Variants in NELL1 observed in about 807,000 individuals in gnomAD.
NELL1 encodes protein kinase C-binding protein NELL1.
In NELL1, 76 loss-of-function variants were observed where a neutral mutation model predicts 107.4. The ratio of observed to expected loss-of-function variants is 0.71; its 90% CI spans 0.59 to 0.86. The LOEUF (loss-of-function observed/expected upper bound fraction) is 0.86, where lower values mean the gene tolerates loss of function less well. Among genes scored for constraint, NELL1 ranks in the 40% least tolerant of loss-of-function variants. The pLI is 0.00. For missense variants in NELL1, 1,024 were observed against 1,005.5 expected, an observed-to-expected ratio of 1.02 and a Z score of -0.25; for synonymous variants, 353 against 341.2, an observed-to-expected ratio of 1.03 and a Z score of -0.38.
intron 3 of NELL1, among the ~76,000 whole-genome samples, chr11:20,795,766 C>T (rs114568370): frequency 0.014 from 2,132 of 152,014 alleles, 61 homozygotes; most frequent in African/African-American, 0.048. Context: ...TTTTGGCTTC[C>T]TAAGAAGGCA....
chr11:20,741,572 G>A (rs930284284), intron 2 of NELL1, among the ~76,000 whole-genome samples: 6 of 152,056 alleles, frequency 3.9e-5, no homozygotes, highest in African/African-American at 1.4e-4. Context: ...AGAACATCAT[G>A]GTGTTTCTTT....
chr11:20,708,573 T>G (rs1855034378), intron 2 of NELL1, among the ~76,000 whole-genome samples: 1 of 152,192 alleles, frequency 6.6e-6, no homozygotes, highest in Non-Finnish European at 1.5e-5. Context: ...TGGTATTATT[T>G]GCTTTTTTTC....
chr11:21,498,295 C>A (rs1237421970), intron 15 of NELL1, among the ~76,000 whole-genome samples: 2 of 147,842 alleles, frequency 1.4e-5, no homozygotes, highest in African/African-American at 4.9e-5. Context: ...TCCATTTCAC[C>A]CATGTTTTAA....
At chr11:21,565,690 T>C (rs10833571) in intron 17 of NELL1, among the ~76,000 whole-genome samples, 64,588 of 151,790 alleles carry the variant, frequency 0.43, 14,670 homozygotes, top group Non-Finnish European at 0.51. Flanking sequence ...TGGAAAATCA[T>C]TGTTATGAAA....
chr11:20,745,868 T>C (rs1265887245), intron 2 of NELL1, among the ~76,000 whole-genome samples: 2 of 152,180 alleles, frequency 1.3e-5, no homozygotes, highest in Non-Finnish European at 2.9e-5. Flanking sequence ...GGCTGAACTA[T>C]GAAATATTTT....
chr11:20,957,611 T>C (rs1260273836), intron 11 of NELL1, among the ~76,000 whole-genome samples: 2 of 152,152 alleles, frequency 1.3e-5, no homozygotes, highest in East Asian at 1.9e-4. Flanking sequence ...GAATTATCAA[T>C]ATAAAATATT....
At chr11:20,899,264 C>CA (rs1201383441) in intron 5 of NELL1, among the ~76,000 whole-genome samples, 2 of 152,016 alleles carry the variant, frequency 1.3e-5, no homozygotes, top group South Asian at 2.1e-4. Flanking sequence ...CCACAAATTA[C>CA]AAAAAATGAT....
At chr11:21,329,665 A>T (rs571130116) in intron 14 of NELL1, among the ~76,000 whole-genome samples, 1 of 152,272 alleles carries the variant, frequency 6.6e-6, no homozygotes, top group African/African-American at 2.4e-5. Context: ...AGTACACTGT[A>T]TACTTTGGCA....
chr11:21,539,733 G>C (rs570775655), intron 16 of NELL1, among the ~76,000 whole-genome samples: 1 of 151,500 alleles, frequency 6.6e-6, no homozygotes, highest in South Asian at 2.1e-4. Context: ...GATACCCATA[G>C]ATAGCCCATA....
intron 14 of NELL1, among the ~76,000 whole-genome samples, chr11:21,337,151 A>G (rs1850421008): frequency 6.6e-6 from 1 of 152,102 alleles, no homozygotes; most frequent in Middle Eastern, 3.2e-3. Context: ...TACAGAGTGC[A>G]GTATTTCCTG....
At chr11:20,708,014 G>T (rs1196714849) in intron 2 of NELL1, among the ~76,000 whole-genome samples, 1 of 152,222 alleles carries the variant, frequency 6.6e-6, no homozygotes, top group African/African-American at 2.4e-5. Context: ...CTTCCCGGCT[G>T]CTTTGTTTAC....
intron 2 of NELL1, among the ~76,000 whole-genome samples, chr11:20,771,250 A>ATGCTGCC (rs1856634082): frequency 6.6e-6 from 1 of 152,052 alleles, no homozygotes; most frequent in Non-Finnish European, 1.5e-5. Flanking sequence ...ATCTGAGGTA[A>ATGCTGCC]TGCTGCCCTG....
At chr11:21,171,697 C>G (rs537174820) in intron 13 of NELL1, among the ~76,000 whole-genome samples, 3 of 151,814 alleles carry the variant, frequency 2.0e-5, no homozygotes, top group South Asian at 2.1e-4. Flanking sequence ...CTCAAGAAAC[C>G]TACTTTATTA....
At chr11:20,831,731 A>G (rs1274572969) in intron 3 of NELL1, among the ~76,000 whole-genome samples, 3 of 152,166 alleles carry the variant, frequency 2.0e-5, no homozygotes, top group Non-Finnish European at 4.4e-5. Flanking sequence ...ATGATTCTAA[A>G]ATCAATTTAC....
rs529647098 is a variant in NELL1, at chr11:21,134,833, C to T, written c.1426+21119C>T. ...TTGGAGGTATGACTGAATAGCATTT[C>T]GGAGCCAGCAGAACCATGTTTACTA... On this transcript the variant is annotated intron_variant, in intron 13 of 19. Transcript: ENST00000357134. 5.3e-5 allele frequency among the ~76,000 whole-genome samples: 8 copies of T among 152,246 alleles called. No individual in the cohort carries two copies. In the East Asian group the frequency reaches 1.2e-3, roughly 22 times the overall value.
intron 9 of NELL1, among the ~76,000 whole-genome samples, chr11:20,932,138 C>G (rs1358276048): frequency 6.6e-6 from 1 of 152,050 alleles, no homozygotes; most frequent in Non-Finnish European, 1.5e-5. Flanking sequence ...CTATTCAAGG[C>G]ATATTTAATA....
At chr11:21,485,575 C>G (rs553042254) in intron 15 of NELL1, among the ~76,000 whole-genome samples, 2 of 151,230 alleles carry the variant, frequency 1.3e-5, no homozygotes, top group South Asian at 2.1e-4. Flanking sequence ...CCTCTGCTTG[C>G]GAGCTGCTGT....
At chr11:21,153,637 CTTTA>C (rs909131975) in intron 13 of NELL1, among the ~76,000 whole-genome samples, 2 of 152,114 alleles carry the variant, frequency 1.3e-5, no homozygotes, top group Non-Finnish European at 2.9e-5. Flanking sequence ...CATTATATCT[CTTTA>C]TTTATCACAC....
chr11:21,276,519 A>C (rs921906301), intron 14 of NELL1, among the ~76,000 whole-genome samples: 22 of 152,274 alleles, frequency 1.4e-4, no homozygotes, highest in Non-Finnish European at 2.4e-4. Flanking sequence ...GCTACCAATG[A>C]CTTTCTTCAC....
Sources: gnomAD v4.1 joint callset for allele counts (sites outside exome capture counted in the v4.1 genomes callset) on GRCh38, gnomAD v4.1.1 for gene constraint, MANE v1.5 for transcripts, NCBI Gene and HGNC (gene_info 2026-07-23, HGNC 2026-07-21) for gene names.